SYCP3: variants seen among roughly 807,000 people sequenced by gnomAD.
SYCP3 encodes the protein synaptonemal complex protein 3.
A neutral mutation model predicts 38.5 loss-of-function variants in SYCP3; 29 were observed. The ratio of observed to expected loss-of-function variants is 0.75; its 90% confidence interval spans 0.56 to 1.03. The LOEUF (loss-of-function observed/expected upper bound fraction) is 1.03, where lower values mean the gene tolerates loss of function less well. SYCP3 is among the 50% of genes least tolerant of loss of function. SYCP3 has a pLI of 0.00. For missense variants in SYCP3, 242 were observed against 270.7 expected, an observed-to-expected ratio of 0.89 and a Z score of 0.74; for synonymous variants, 79 against 80.3, an observed-to-expected ratio of 0.98 and a Z score of 0.08.
intron 4 of SYCP3, among the ~76,000 whole-genome samples, chr12:101,735,851 T>TTATATATATATATATATA (rs1157750107): frequency 1.2e-3 from 119 of 95,858 alleles, no homozygotes; most frequent in Non-Finnish European, 1.7e-3. Flanking sequence ...ATAATCAATT[T>TTATATATATATATATATA]TATATATATA....
In SYCP3 at chr12:101,735,443, A is replaced by G. The variant is rs188630313; in HGVS notation, c.236-399T>C. Among the ~76,000 whole-genome samples, 4 of 152,226 alleles carry G rather than the reference A, an allele frequency of 2.6e-5. No individual in the cohort carries two copies. In the East Asian group the frequency reaches 7.7e-4, roughly 29 times the overall value. ...TTTGGGAGTCTGAGGCAGGCAGATC[A>G]CAAGGTCAAAAGATCGAGACCATCC... On this transcript the variant is annotated intron_variant, in intron 4 of 8. Coordinates refer to ENST00000392924, the MANE Select transcript of SYCP3 (RefSeq NM_001177949.2).
At chr12:101,736,706 ATATG>A (rs1367827023) in intron 4 of SYCP3, among the ~76,000 whole-genome samples, 2 of 102,032 alleles carry the variant, frequency 2.0e-5, no homozygotes, top group Non-Finnish European at 3.8e-5. Context: ...GTATGTATGT[ATATG>A]TGTGTGTGTG....
intron 1 of SYCP3, 23 bp downstream of exon 1, chr12:101,739,328 A>G (rs867555855): frequency 2.0e-6 from 2 of 1,002,776 alleles, no homozygotes; most frequent in Non-Finnish European, 2.4e-6. Flanking sequence ...CCTGCGATAG[A>G]CAGACGCCTC....
In SYCP3 at chr12:101,729,126, T is replaced by G. The variant is rs771211187; in HGVS notation, c.640A>C (p.Lys214Gln). 2 of 1,611,818 alleles carry G rather than the reference T, an allele frequency of 1.2e-6. No individual in the cohort carries two copies. Among genetic ancestry groups the G allele is most frequent in the Non-Finnish European group, 1.7e-6 (2 of 1,178,440 alleles). The change falls in exon 8 of 9, where the codon AAA (lysine) becomes CAA (glutamine). Residue 214 changes from lysine (K) to glutamine (Q), a missense_variant. Physicochemically the swap from Lys to Gln is moderately conservative, Grantham distance 53 (BLOSUM62 1). Transcript: ENST00000392924. ...TCACTTACAGTTTCCATCATAATTT[T>G]TTTTTGCAACATAGCCATTTCTTTT... ...FKKEMAMLQK[K>Q]IMMETQQQEI...
intron 1 of SYCP3, among the ~76,000 whole-genome samples, chr12:101,739,032 T>TA (rs1416368081): frequency 6.6e-6 from 1 of 152,132 alleles, no homozygotes; most frequent in Non-Finnish European, 1.5e-5. Flanking sequence ...CGACAACAAA[T>TA]ACATCGAGGA....
chr12:101,739,212 G>C (rs1952612687), intron 1 of SYCP3, 139 bp downstream of exon 1: 3 of 804,138 alleles, frequency 3.7e-6, no homozygotes, highest in Non-Finnish European at 4.5e-6. Flanking sequence ...TCCTGCTCAA[G>C]GCCCTGTCCT....
intron 4 of SYCP3, among the ~76,000 whole-genome samples, chr12:101,736,615 A>T (rs1204036757): frequency 6.6e-6 from 1 of 152,110 alleles, no homozygotes. Context: ...CTTAATTTAC[A>T]CTGTCCTCCC....
At chr12:101,729,300 AAT>A in intron 7 of SYCP3, 87 bp from the exon 8 acceptor site, 1 of 1,257,998 alleles carries the variant, frequency 7.9e-7, no homozygotes, top group Admixed American at 2.2e-5. Context: ...CAAAAGTAGT[AAT>A]TTTTGAATAT....
intron 4 of SYCP3, among the ~76,000 whole-genome samples, chr12:101,736,774 A>G (rs187072059): frequency 6.6e-6 from 1 of 151,982 alleles, no homozygotes; most frequent in East Asian, 1.9e-4. Context: ...AGAAGGGTAA[A>G]GACTTTTCCT....
At position 101,734,913 on chromosome 12, in the gene SYCP3, A is replaced by AG. The variant is rs752694300; in HGVS notation, c.353+13dup. ...CTAAGAAATGTGGCTCTAAAAAAAA[A>AG]GCAACCACCTTACCTTTGATCTTGT... On this transcript the variant is annotated intron_variant, in intron 5 of 8. Coordinates refer to ENST00000392924, the MANE Select transcript of SYCP3 (RefSeq NM_001177949.2). 3 of 1,556,240 alleles carry AG rather than the reference A, an allele frequency of 1.9e-6. No homozygotes were observed. Among genetic ancestry groups the AG allele is most frequent in the Non-Finnish European group, 2.7e-6 (3 of 1,127,752 alleles).
intron 7 of SYCP3, among the ~76,000 whole-genome samples, chr12:101,731,047 CTT>C (rs1220042954): frequency 6.6e-6 from 1 of 152,138 alleles, no homozygotes; most frequent in East Asian, 1.9e-4. Context: ...AATCCACAGA[CTT>C]TTAATCCTCA....
intron 1 of SYCP3, among the ~76,000 whole-genome samples, chr12:101,738,835 G>C (rs1952585106): frequency 6.6e-6 from 1 of 152,212 alleles, no homozygotes; most frequent in South Asian, 2.1e-4. Flanking sequence ...CCAAATTTTG[G>C]GGCCGCCTCT....
At chr12:101,739,225 G>C (rs2137084396) in intron 1 of SYCP3, 126 bp downstream of exon 1, 1 of 985,972 alleles carries the variant, frequency 1.0e-6, no homozygotes, top group Admixed American at 6.1e-5. Flanking sequence ...CCTGTCCTCA[G>C]GTTCGCGGCC....
In SYCP3 at chr12:101,737,941, G is replaced by A. The variant is rs1952525922; in HGVS notation, c.-6C>T. The A allele has an allele frequency of 6.2e-7, 1 of 1,614,092 alleles. No individual in the cohort carries two copies. The highest frequency in any genetic ancestry group is 1.3e-5 in the African/African-American group (1 of 75,034). Reference sequence around the variant, plus strand: ...TTTTTTCCGGAGGACACCATATTTAGATGCTTCCTGACTTTAAAAAACAAA... The same window carrying A: ...TTTTTTCCGGAGGACACCATATTTAAATGCTTCCTGACTTTAAAAAACAAA... On this transcript the variant is annotated 5_prime_UTR_variant, in exon 2 of 9. Coordinates refer to ENST00000392924, the MANE Select transcript of SYCP3 (RefSeq NM_001177949.2).
rs879147641 is a variant in SYCP3 at position 101,739,456 on chromosome 12, C to G, written c.-123G>C. On this transcript the variant is annotated 5_prime_UTR_variant, in exon 1 of 9. Transcript: ENST00000392924. ...ACCTGAGGTGGCCCCTTCTCCGCGA[C>G]GCTTCTGAGGCAAGCTGGGATTCGC... 3.0e-6 allele frequency: 3 copies of G among 1,002,500 alleles called. No individual in the cohort carries two copies. Among genetic ancestry groups the G allele is most frequent in the African/African-American group, 3.5e-5 (2 of 57,336 alleles). The allele number at this position is 1,002,500 out of a possible 1,614,324, so 62.1% of individuals were successfully genotyped here.
chr12:101,738,416 T>G, intron 1 of SYCP3, among the ~76,000 whole-genome samples: 2 of 132,762 alleles, frequency 1.5e-5, no homozygotes, highest in Non-Finnish European at 3.1e-5. Flanking sequence ...GTGACAAGAG[T>G]GAAACTTCGT....
At chr12:101,736,912 G>A (rs1566056827) in intron 4 of SYCP3, 125 bp downstream of exon 4, 4 of 867,884 alleles carry the variant, frequency 4.6e-6, no homozygotes, top group Non-Finnish European at 7.3e-6. Context: ...TACTTATGCA[G>A]AATCTTCTAT....
chr12:101,737,111 C>T, intron 3 of SYCP3, 40 bp from the exon 4 acceptor site: 1 of 1,611,186 alleles, frequency 6.2e-7, no homozygotes, highest in Non-Finnish European at 8.5e-7. Context: ...AGAAGATCCA[C>T]AACATACCAT....
intron 7 of SYCP3, among the ~76,000 whole-genome samples, chr12:101,731,141 T>G (rs1952174190): frequency 6.6e-6 from 1 of 152,192 alleles, no homozygotes; most frequent in South Asian, 2.1e-4. Flanking sequence ...AAATGTGCCA[T>G]AAAATACTTC....
Sources: allele counts gnomAD v4.1 joint callset (sites outside exome capture counted in the v4.1 genomes callset), GRCh38; gene constraint gnomAD v4.1.1; transcripts MANE v1.5; gene names NCBI Gene and HGNC (gene_info 2026-07-23, HGNC 2026-07-21).